The following SV2C variants were observed in gnomAD, a reference collection of about 807,000 sequenced individuals.
The protein encoded by SV2C is synaptic vesicle glycoprotein 2C.
SV2C carries 49 observed loss-of-function variants against 79.7 expected under a neutral mutation model. That is an observed-to-expected ratio of 0.61 (90% CI 0.49 to 0.78). The LOEUF (loss-of-function observed/expected upper bound fraction) is 0.78, where lower values mean the gene tolerates loss of function less well. Ranked by LOEUF, SV2C falls within the 30% of genes least tolerant of loss-of-function variation. SV2C has a pLI of 0.00. For synonymous variants in SV2C, 334 were observed against 333.2 expected, an observed-to-expected ratio of 1.00 and a Z score of -0.03; for missense variants, 833 against 912.9, an observed-to-expected ratio of 0.91 and a Z score of 1.13.
intron 3 of SV2C, among the ~76,000 whole-genome samples, chr5:76,200,687 T>C (rs1744416425): frequency 6.6e-6 from 1 of 152,196 alleles, no homozygotes; most frequent in Admixed American, 6.5e-5. Context: ...TCACCCAGGC[T>C]GGAATGCAGT....
At chr5:76,086,635 C>T (rs1030316819) in intron 1 of SV2C, among the ~76,000 whole-genome samples, 4 of 96,050 alleles carry the variant, frequency 4.2e-5, no homozygotes, top group Non-Finnish European at 7.4e-5. Context: ...AAGGCAGCCC[C>T]TGGCATATAT....
chr5:75,905,726 A>G, the SV2C span, among the ~76,000 whole-genome samples: 2 of 151,980 alleles, frequency 1.3e-5, no homozygotes, highest in Admixed American at 6.6e-5. Context: ...CCCTGAAAAA[A>G]TGGGACTTGC....
chr5:76,051,881 A>C, the SV2C span, among the ~76,000 whole-genome samples: 1 of 152,238 alleles, frequency 6.6e-6, no homozygotes, highest in South Asian at 2.1e-4. Flanking sequence ...GAGGGTAATA[A>C]TTGAAAAAGT....
At chr5:76,000,729 T>C in the SV2C span, among the ~76,000 whole-genome samples, 1 of 152,198 alleles carries the variant, frequency 6.6e-6, no homozygotes, top group Non-Finnish European at 1.5e-5. Context: ...CACTCCTTGC[T>C]TGATGGGGGA....
At chr5:75,871,242 G>T in the SV2C span, among the ~76,000 whole-genome samples, 3 of 152,088 alleles carry the variant, frequency 2.0e-5, no homozygotes, top group Non-Finnish European at 4.4e-5. Context: ...ATGAAATGAG[G>T]CTTTTTTCAA....
chr5:76,221,358 A>T (rs1394059125), intron 4 of SV2C, among the ~76,000 whole-genome samples: 1 of 152,172 alleles, frequency 6.6e-6, no homozygotes, highest in Non-Finnish European at 1.5e-5. Context: ...GTTTAACAAA[A>T]ATTGGCCCAA....
At chr5:76,221,908 T>C (rs1289988499) in intron 4 of SV2C, among the ~76,000 whole-genome samples, 1 of 152,236 alleles carries the variant, frequency 6.6e-6, no homozygotes, top group Non-Finnish European at 1.5e-5. Flanking sequence ...ATTGTAGATA[T>C]AGATGCCTAC....
intron 1 of SV2C, among the ~76,000 whole-genome samples, chr5:76,129,088 A>G (rs1748799996): frequency 6.6e-6 from 1 of 152,200 alleles, no homozygotes; most frequent in African/African-American, 2.4e-5. Flanking sequence ...ATGGCTTTAT[A>G]AGGATAGTAC....
chr5:76,113,993 G>A (rs73130242), intron 1 of SV2C, among the ~76,000 whole-genome samples: 16,558 of 152,088 alleles, frequency 0.11, 2,835 homozygotes, highest in African/African-American at 0.36. Flanking sequence ...CTCGAATGGC[G>A]TTTTCTCAGC....
chr5:76,139,703 C>CT (rs1283412036), intron 2 of SV2C, among the ~76,000 whole-genome samples: 1 of 152,100 alleles, frequency 6.6e-6, no homozygotes, highest in Non-Finnish European at 1.5e-5. Context: ...ACTAGGTTTT[C>CT]TTTAAAACAT....
the SV2C span, among the ~76,000 whole-genome samples, chr5:76,054,547 T>C: frequency 6.6e-6 from 1 of 152,250 alleles, no homozygotes; most frequent in African/African-American, 2.4e-5. Flanking sequence ...TTTCTGGTTC[T>C]AGATCCTTGA....
In SV2C at chr5:76,261,139, C is replaced by G. The variant is rs185620598; in HGVS notation, c.914-24023C>G. ...TCCTTGAGCAATGGTTTGTATTTCT[C>G]CTTGAAGAGATCCTTCATGTCCCTT... On this transcript the variant is annotated intron_variant, in intron 4 of 12. Coordinates refer to ENST00000502798, the MANE Select transcript of SV2C (RefSeq NM_014979.4). 1.4e-3 allele frequency among the ~76,000 whole-genome samples: 212 copies of G among 152,174 alleles called. 3 individuals carry two copies. The highest frequency in any genetic ancestry group is 2.2e-3 in the Non-Finnish European group (150 of 68,012).
chr5:75,859,627 C>A, the SV2C span, among the ~76,000 whole-genome samples: 2 of 152,086 alleles, frequency 1.3e-5, no homozygotes, highest in African/African-American at 4.8e-5. Context: ...CTCCTTATTG[C>A]CTTCATGTCT....
At chr5:76,148,473 AGT>A (rs751520132) in intron 2 of SV2C, among the ~76,000 whole-genome samples, 2 of 152,016 alleles carry the variant, frequency 1.3e-5, no homozygotes, top group Non-Finnish European at 2.9e-5. Flanking sequence ...CTTTAGAGAC[AGT>A]GTTTCACTGT....
At chr5:75,851,728 C>G in the SV2C span, among the ~76,000 whole-genome samples, 2 of 152,186 alleles carry the variant, frequency 1.3e-5, no homozygotes, top group Non-Finnish European at 2.9e-5. Flanking sequence ...GCAAGCTCCC[C>G]CTCCCGGGTT....
the SV2C span, among the ~76,000 whole-genome samples, chr5:76,036,461 A>G: frequency 6.6e-6 from 1 of 151,874 alleles, no homozygotes. Flanking sequence ...ATCTCTCAGC[A>G]TTTGCTTGTC....
rs1424995825 is a variant in SV2C at position 76,330,569 on chromosome 5, TA to T, written c.*5025del. On this transcript the variant is annotated 3_prime_UTR_variant, in exon 13 of 13. Transcript: ENST00000502798. ...TGTGAACCCTCCGCGCCCCCCCCCATAAATACAAAGTGTTATTTTTCCACAT... is the reference window on the plus strand; with the variant it reads ...TGTGAACCCTCCGCGCCCCCCCCCATAATACAAAGTGTTATTTTTCCACAT... The T allele has an allele frequency of 3.9e-5, 4 of 101,696 alleles. No individual in the cohort carries two copies. Among genetic ancestry groups the T allele is most frequent in the South Asian group, 6.7e-4 (2 of 2,968 alleles). The allele number at this position is 101,696 out of a possible 1,614,324, so 6.3% of individuals were successfully genotyped here.
chr5:75,917,236 C>A, the SV2C span, among the ~76,000 whole-genome samples: 4 of 152,164 alleles, frequency 2.6e-5, no homozygotes, highest in Admixed American at 1.3e-4. Flanking sequence ...TTTTAACCAG[C>A]CTGCCACCAA....
intron 4 of SV2C, among the ~76,000 whole-genome samples, chr5:76,212,931 T>C (rs1213608381): frequency 6.6e-6 from 1 of 152,200 alleles, no homozygotes; most frequent in East Asian, 1.9e-4. Context: ...ATACTTCTTG[T>C]TTATAGCTAC....
Sources: gnomAD v4.1 joint callset for allele counts (sites outside exome capture counted in the v4.1 genomes callset) on GRCh38, gnomAD v4.1.1 for gene constraint, MANE v1.5 for transcripts, NCBI Gene and HGNC (gene_info 2026-07-23, HGNC 2026-07-21) for gene names.